The following ADGRB3 variants were observed in gnomAD, a reference collection of about 807,000 sequenced individuals.
ADGRB3 encodes brain-specific angiogenesis inhibitor 3.
Under a neutral mutation model 193.4 loss-of-function variants are expected in ADGRB3, and 37 were observed. That is an observed-to-expected ratio of 0.19 (90% confidence interval 0.15 to 0.25). The LOEUF (loss-of-function observed/expected upper bound fraction) is 0.25, where lower values mean the gene tolerates loss of function less well. Ranked by LOEUF, ADGRB3 falls within the 10% of genes least tolerant of loss-of-function variation. The probability of loss-of-function intolerance (pLI) is 1.00; values close to 1 mark genes in which losing one functional copy is unlikely to be tolerated. For synonymous variants in ADGRB3, 690 were observed against 644.2 expected (o/e 1.07, Z -1.08); for missense variants, 1,637 against 1,852.9 (o/e 0.88, Z 2.14).
At chr6:68,647,623 C>T (rs1768247878) in intron 3 of ADGRB3, among the ~76,000 whole-genome samples, 1 of 152,154 alleles carries the variant, frequency 6.6e-6, no homozygotes, top group South Asian at 2.1e-4. Flanking sequence ...GAAGGCATGA[C>T]TAATAATACA....
At chr6:68,638,048 A>G (rs1047683162) in intron 2 of ADGRB3, among the ~76,000 whole-genome samples, 4 of 152,372 alleles carry the variant, frequency 2.6e-5, no homozygotes, top group African/African-American at 7.2e-5. Flanking sequence ...TGAGCAGTTC[A>G]CATGGTGGCC....
chr6:69,361,318 T>A lies in ADGRB3; in HGVS notation c.4045T>A (p.Phe1349Ile). ...ATTGCACTACAAAGTAAACCCTGAATTCAATATGAATCCCCCTGTAATGGA... is the reference window on the plus strand; with the variant it reads ...ATTGCACTACAAAGTAAACCCTGAAATCAATATGAATCCCCCTGTAATGGA... ...RLLHYKVNPEFNMNPPVMDQF... is the reference protein window; with the variant it reads ...RLLHYKVNPEINMNPPVMDQF... Residue 1349 changes from phenylalanine to isoleucine, a missense_variant, in exon 29 of 32, where the codon TTC becomes ATC. Physicochemically the swap from Phe to Ile is conservative, Grantham distance 21 (BLOSUM62 0). This residue lies in a region of ADGRB3 where 368 missense variants were observed against 367.4 expected (regional missense o/e 1.00). Coordinates refer to ENST00000370598, the MANE Select transcript of ADGRB3 (RefSeq NM_001704.3). 6.2e-7 allele frequency: 1 copy of A among 1,612,942 alleles called. No individual in the cohort carries two copies.
rs1021800072 is a variant in ADGRB3 at position 69,341,063 on chromosome 6, C to G, written c.3459+1559C>G. Reference sequence around the variant, plus strand: ...CAAGTTTTTGCTATTGTGAACAGTGCCGCAATAAACATATGTGTGCATGTG... The same window carrying G: ...CAAGTTTTTGCTATTGTGAACAGTGGCGCAATAAACATATGTGTGCATGTG... On this transcript the variant is annotated intron_variant, in intron 26 of 31. Coordinates refer to ENST00000370598, the MANE Select transcript of ADGRB3 (RefSeq NM_001704.3). 5.9e-5 allele frequency among the ~76,000 whole-genome samples: 9 copies of G among 152,254 alleles called. No individual in the cohort carries two copies. The South Asian group carries it at 8.3e-4, about 14-fold the overall frequency.
intron 31 of ADGRB3, among the ~76,000 whole-genome samples, chr6:69,385,375 G>A (rs1014629687): frequency 2.0e-5 from 3 of 152,024 alleles, no homozygotes; most frequent in African/African-American, 7.2e-5. Context: ...AGGATAGATG[G>A]ATGGAGGGAG....
At chr6:69,090,160 T>C (rs933820390) in intron 17 of ADGRB3, among the ~76,000 whole-genome samples, 3 of 152,194 alleles carry the variant, frequency 2.0e-5, no homozygotes, top group African/African-American at 7.2e-5. Flanking sequence ...GCAAATCAAA[T>C]AGCTAAACTG....
intron 3 of ADGRB3, among the ~76,000 whole-genome samples, chr6:68,858,752 C>T (rs1765065426): frequency 1.3e-5 from 2 of 152,008 alleles, no homozygotes; most frequent in South Asian, 4.1e-4. Flanking sequence ...TCTACATTGA[C>T]CCCTTTCAGC....
At chr6:68,732,781 G>T (rs1197225109) in intron 3 of ADGRB3, among the ~76,000 whole-genome samples, 1 of 151,876 alleles carries the variant, frequency 6.6e-6, no homozygotes, top group African/African-American at 2.4e-5. Flanking sequence ...TCTTACGCAG[G>T]TATATTATCT....
chr6:69,015,595 A>G (rs780716261), intron 12 of ADGRB3, among the ~76,000 whole-genome samples: 13 of 151,980 alleles, frequency 8.6e-5, no homozygotes, highest in Non-Finnish European at 1.8e-4. Context: ...AAATCTATCA[A>G]AGATAATCCT....
intron 3 of ADGRB3, among the ~76,000 whole-genome samples, chr6:68,866,049 T>C (rs930192036): frequency 2.0e-5 from 3 of 152,150 alleles, no homozygotes; most frequent in African/African-American, 7.2e-5. Context: ...AGGGATCTGA[T>C]CCCAATTATG....
chr6:69,169,885 T>G (rs1775229531), intron 17 of ADGRB3, among the ~76,000 whole-genome samples: 1 of 152,132 alleles, frequency 6.6e-6, no homozygotes, highest in Admixed American at 6.5e-5. Flanking sequence ...CTCTATTTAG[T>G]CTTAACAGCT....
intron 20 of ADGRB3, among the ~76,000 whole-genome samples, chr6:69,274,253 T>A: frequency 6.6e-6 from 1 of 152,234 alleles, no homozygotes; most frequent in South Asian, 2.1e-4. Context: ...GGGAAAAGTC[T>A]TTGGGTTCTA....
rs1016092188 is a variant in ADGRB3, at chr6:68,815,643, A to G, written c.758-114916A>G. On this transcript the variant is annotated intron_variant, in intron 3 of 31. Transcript: ENST00000370598. ...TGTGTGTGTGTGTGTGTGTGTGTGC[A>G]TGTAGATCTCATTTGATGTAATAGT... 7.1e-4 allele frequency among the ~76,000 whole-genome samples: 70 copies of G among 98,404 alleles called. 2 individuals are homozygous for G. The South Asian group carries it at 0.024, about 34-fold the overall frequency. The allele number at this position is 98,404 out of a possible 152,430, so 64.6% of individuals were successfully genotyped here. A position where few individuals can be genotyped will look rare whatever the true frequency, so the allele number is the denominator to read the frequency against.
At chr6:68,680,854 A>C (rs1764882524) in intron 3 of ADGRB3, among the ~76,000 whole-genome samples, 1 of 152,212 alleles carries the variant, frequency 6.6e-6, no homozygotes. Flanking sequence ...TCTGTCATAA[A>C]TGTACTTAAC....
chr6:69,333,129 C>G, intron 24 of ADGRB3, 121 bp downstream of exon 24: 1 of 1,073,462 alleles, frequency 9.3e-7, no homozygotes, highest in African/African-American at 1.6e-5. Flanking sequence ...ACTAGTGTGT[C>G]CAGTAGATTC....
At chr6:68,658,361 A>G (rs1227325452) in intron 3 of ADGRB3, among the ~76,000 whole-genome samples, 1 of 151,358 alleles carries the variant, frequency 6.6e-6, no homozygotes, top group African/African-American at 2.4e-5. Flanking sequence ...GACGTTTCAA[A>G]TAGAAAAATA....
At chr6:69,117,552 C>T (rs978138142) in intron 17 of ADGRB3, among the ~76,000 whole-genome samples, 8 of 152,078 alleles carry the variant, frequency 5.3e-5, no homozygotes, top group African/African-American at 1.7e-4. Context: ...AAGCCAAATT[C>T]TTGGAGGCAA....
chr6:69,165,891 G>T lies in ADGRB3; in HGVS notation c.2481-67399G>T, dbSNP rs189729995. Reference sequence around the variant, plus strand: ...TATAGATGAAGAAACTGAGGCACAAGGGACTAAATTTTAATTCTTCTGAGT... The same window carrying T: ...TATAGATGAAGAAACTGAGGCACAATGGACTAAATTTTAATTCTTCTGAGT... On this transcript the variant is annotated intron_variant, in intron 17 of 31. Coordinates refer to ENST00000370598, the MANE Select transcript of ADGRB3 (RefSeq NM_001704.3). Among the ~76,000 whole-genome samples the T allele has an allele frequency of 3.5e-3, 537 of 152,052 alleles. 5 individuals are homozygous for T. Among genetic ancestry groups the T allele is most frequent in the Middle Eastern group, 0.01 (3 of 294 alleles).
At chr6:68,872,212 G>A (rs745758242) in intron 3 of ADGRB3, among the ~76,000 whole-genome samples, 9 of 152,074 alleles carry the variant, frequency 5.9e-5, no homozygotes, top group Non-Finnish European at 1.2e-4. Flanking sequence ...CTCCTGTCAG[G>A]TTGTAGAAAA....
intron 28 of ADGRB3, among the ~76,000 whole-genome samples, chr6:69,358,199 CAT>C (rs1202322067): frequency 6.6e-6 from 1 of 151,850 alleles, no homozygotes; most frequent in Non-Finnish European, 1.5e-5. Flanking sequence ...GTCCCTAGAC[CAT>C]CAGTGTTATC....
Sources: allele counts gnomAD v4.1 joint callset (sites outside exome capture counted in the v4.1 genomes callset), GRCh38; gene constraint gnomAD v4.1.1; regional missense constraint gnomAD v4.1.1; transcripts MANE v1.5; gene names NCBI Gene and HGNC (gene_info 2026-07-23, HGNC 2026-07-21).